TNKS2: variants seen among roughly 807,000 people sequenced by gnomAD.
TNKS2 encodes the protein tankyrase 2.
TNKS2 carries 72 observed loss-of-function variants against 137.6 expected under a neutral mutation model. The observed-to-expected ratio is 0.52, with a 90% CI of 0.43 to 0.64. The LOEUF (loss-of-function observed/expected upper bound fraction) is 0.64. TNKS2 is among the 30% of genes least tolerant of loss of function. The probability of loss-of-function intolerance (pLI) is 0.00; values close to 1 mark genes in which losing one functional copy is unlikely to be tolerated. For synonymous variants in TNKS2, 516 were observed against 512.1 expected (o/e 1.01, Z -0.10); for missense variants, 1,049 against 1,410.2 (o/e 0.74, Z 4.10).
chr10:91,840,454 A>T, intron 13 of TNKS2, 107 bp from the exon 14 acceptor site: 1 of 986,386 alleles, frequency 1.0e-6, no homozygotes, highest in Non-Finnish European at 1.5e-6. Flanking sequence ...TGATTTAATG[A>T]GACAAGAAAA....
chr10:91,839,887 G>C (rs560556670), intron 13 of TNKS2, among the ~76,000 whole-genome samples: 1 of 152,276 alleles, frequency 6.6e-6, no homozygotes, highest in East Asian at 1.9e-4. Flanking sequence ...TAAGCTCCTT[G>C]GTAATGCTGG....
At chr10:91,812,456 CTG>C (rs973239364) in intron 1 of TNKS2, among the ~76,000 whole-genome samples, 1 of 152,120 alleles carries the variant, frequency 6.6e-6, no homozygotes, top group African/African-American at 2.4e-5. Context: ...GGTTATCTCT[CTG>C]TGTCTCACTA....
At chr10:91,844,827 A>G (rs774378721) in intron 16 of TNKS2, 92 bp from the exon 17 acceptor site, 196 of 722,844 alleles carry the variant, frequency 2.7e-4, no homozygotes, top group Middle Eastern at 7.2e-4. Context: ...TATACATGTA[A>G]TGACTTTTTT....
intron 13 of TNKS2, among the ~76,000 whole-genome samples, chr10:91,837,407 C>A (rs1395189754): frequency 6.6e-6 from 1 of 152,164 alleles, no homozygotes; most frequent in Non-Finnish European, 1.5e-5. Flanking sequence ...TTTCTTCACC[C>A]CATCTACCTC....
At chr10:91,827,707 A>G (rs752213479) in intron 8 of TNKS2, among the ~76,000 whole-genome samples, 2 of 152,224 alleles carry the variant, frequency 1.3e-5, no homozygotes, top group Non-Finnish European at 2.9e-5. Context: ...CAAGTAAGCA[A>G]CTTATATTGG....
Position 91,845,775 on chromosome 10 carries a change from A to G in TNKS2, c.2193A>G (p.Leu731=). Residue 731 remains leucine (L), a synonymous_variant, in exon 18 of 27, where the codon CTA becomes CTG. Coordinates refer to ENST00000371627, the MANE Select transcript of TNKS2 (RefSeq NM_025235.4). ...AGCATGTAGATGTAGCAGCTCTACT[A>G]ATAAAGTATAATGCATGTGTCAATG... The part of the protein sequence containing the change: ...SYGHVDVAAL[L]IKYNACVNAT... 6.4e-7 allele frequency: 1 copy of G among 1,562,322 alleles called. No individual in the cohort carries two copies.
intron 7 of TNKS2, 142 bp downstream of exon 7, chr10:91,822,504 T>C (rs1331657302): frequency 9.6e-6 from 6 of 626,644 alleles, no homozygotes; most frequent in African/African-American, 3.7e-5. Context: ...TTATAAAATA[T>C]AGGTGACTGA....
intron 21 of TNKS2, among the ~76,000 whole-genome samples, chr10:91,851,967 G>A (rs773278080): frequency 4.1e-4 from 63 of 152,196 alleles, no homozygotes; most frequent in Admixed American, 1.2e-3. Context: ...GGTGGCTCAC[G>A]CCTGTAATTC....
In TNKS2 at chr10:91,863,226, G is replaced by C. The variant is rs1691120891; in HGVS notation, c.*227G>C. The C allele has an allele frequency of 2.4e-6, 1 of 418,468 alleles. No homozygotes were observed. Among genetic ancestry groups the C allele is most frequent in the Admixed American group, 4.0e-5 (1 of 24,764 alleles). The allele number at this position is 418,468 out of a possible 1,614,324, so 25.9% of individuals were successfully genotyped here. A position where few individuals can be genotyped will look rare whatever the true frequency, so the allele number is the denominator to read the frequency against. On this transcript the variant is annotated 3_prime_UTR_variant, in exon 27 of 27. Coordinates refer to ENST00000371627, the MANE Select transcript of TNKS2 (RefSeq NM_025235.4). Reference sequence around the variant, plus strand: ...CAGCACTTTAACAGATGCCATTCCAGGTTAAACTGGGTTGTCTGTACTAAA... The same window carrying C: ...CAGCACTTTAACAGATGCCATTCCACGTTAAACTGGGTTGTCTGTACTAAA...
intron 1 of TNKS2, among the ~76,000 whole-genome samples, chr10:91,801,224 C>G (rs1271947363): frequency 6.6e-6 from 1 of 151,986 alleles, no homozygotes; most frequent in African/African-American, 2.4e-5. Context: ...AAAGTTAGTT[C>G]AATTAAAAGA....
At chr10:91,832,718 T>C (rs1466764264) in intron 11 of TNKS2, among the ~76,000 whole-genome samples, 1 of 152,154 alleles carries the variant, frequency 6.6e-6, no homozygotes, top group East Asian at 1.9e-4. Context: ...GATTGATTAC[T>C]GAGGAACTTA....
At chr10:91,820,969 T>G (rs1324109444) in intron 6 of TNKS2, among the ~76,000 whole-genome samples, 2 of 152,198 alleles carry the variant, frequency 1.3e-5, no homozygotes, top group Non-Finnish European at 2.9e-5. Context: ...GAGGCAAAAT[T>G]GTTTGGAGGG....
Position 91,865,342 on chromosome 10 carries a change from T to C in TNKS2, c.*2343T>C, listed in dbSNP as rs1390136285. ...GTTGAATGGTCTTTGAGAAAATGAATTAAGATTACAATAAACCACAATTGC... is the reference window on the plus strand; with the variant it reads ...GTTGAATGGTCTTTGAGAAAATGAACTAAGATTACAATAAACCACAATTGC... On this transcript the variant is annotated 3_prime_UTR_variant, in exon 27 of 27. Coordinates refer to ENST00000371627, the MANE Select transcript of TNKS2 (RefSeq NM_025235.4). 1 of 152,600 alleles carries C rather than the reference T, an allele frequency of 6.6e-6. No homozygotes were observed. Among genetic ancestry groups the C allele is most frequent in the East Asian group, 1.9e-4 (1 of 5,198 alleles). The allele number at this position is 152,600 out of a possible 1,614,324, so 9.5% of individuals were successfully genotyped here.
chr10:91,823,302 T>G (rs947909018), intron 7 of TNKS2, among the ~76,000 whole-genome samples: 1 of 140,442 alleles, frequency 7.1e-6, no homozygotes, highest in African/African-American at 2.7e-5. Flanking sequence ...CTTTTTTTGT[T>G]GTTTTTTTGG....
At chr10:91,821,835 T>G (rs902774941) in intron 6 of TNKS2, among the ~76,000 whole-genome samples, 3 of 152,166 alleles carry the variant, frequency 2.0e-5, no homozygotes, top group African/African-American at 7.2e-5. Context: ...TAATATACCA[T>G]TATTGAAGGG....
At chr10:91,799,933 G>C (rs891376867) in intron 1 of TNKS2, among the ~76,000 whole-genome samples, 1 of 152,230 alleles carries the variant, frequency 6.6e-6, no homozygotes, top group African/African-American at 2.4e-5. Context: ...TTTGGGGCTA[G>C]ATTGATGAAG....
chr10:91,845,831 A>C lies in TNKS2; in HGVS notation c.2249A>C (p.His750Pro), dbSNP rs1842355154. 4 of 1,610,194 alleles carry C rather than the reference A, an allele frequency of 2.5e-6. No homozygotes were observed. The highest frequency in any genetic ancestry group is 3.4e-6 in the Non-Finnish European group (4 of 1,177,028). Reference sequence around the variant, plus strand: ...GACAAATGGGCTTTCACACCTTTGCACGAAGCAGCCCAAAAGGGACGAACA... The same window carrying C: ...GACAAATGGGCTTTCACACCTTTGCCCGAAGCAGCCCAAAAGGGACGAACA... ...ATDKWAFTPL[H>P]EAAQKGRTQL... Residue 750 changes from histidine (H) to proline (P), a missense_variant, in exon 18 of 27, where the codon CAC becomes CCC. By Grantham distance (77) the His-to-Pro change is moderately conservative. Around this residue, in one of 6 missense-constraint regions of TNKS2, gnomAD observed 328 missense variants for 436.0 expected, o/e 0.75. Coordinates refer to ENST00000371627, the MANE Select transcript of TNKS2 (RefSeq NM_025235.4).
At chr10:91,857,555 A>G (rs912176392) in intron 24 of TNKS2, 25 bp downstream of exon 24, 1 of 1,475,908 alleles carries the variant, frequency 6.8e-7, no homozygotes, top group Admixed American at 1.7e-5. Context: ...CACCAACTCT[A>G]CCACTGTCTT....
At chr10:91,801,357 CTAG>C (rs1401711214) in intron 1 of TNKS2, among the ~76,000 whole-genome samples, 1 of 152,002 alleles carries the variant, frequency 6.6e-6, no homozygotes, top group Non-Finnish European at 1.5e-5. Context: ...TACTTTTCTT[CTAG>C]ATAAATATTA....
Sources: allele counts gnomAD v4.1 joint callset (sites outside exome capture counted in the v4.1 genomes callset), GRCh38; gene constraint gnomAD v4.1.1; regional missense constraint gnomAD v4.1.1; transcripts MANE v1.5; gene names NCBI Gene and HGNC (gene_info 2026-07-23, HGNC 2026-07-21).